RBKS: variants seen among roughly 807,000 people sequenced by gnomAD.
The protein encoded by RBKS is ribokinase.
In RBKS, 33 loss-of-function variants were observed where a neutral mutation model predicts 33.9. The observed-to-expected ratio is 0.97, with a 90% CI of 0.74 to 1.30. RBKS has a LOEUF of 1.30. Among genes scored for constraint, RBKS ranks in the 50% most tolerant of loss-of-function variants. The pLI, the probability that RBKS is intolerant of heterozygous loss-of-function variation, is 0.00. For missense variants in RBKS, 361 were observed against 392.6 expected, an observed-to-expected ratio of 0.92 and a Z score of 0.68; for synonymous variants, 125 against 143.0, an observed-to-expected ratio of 0.87 and a Z score of 0.90.
chr2:27,836,129 C>T (rs992512089), intron 5 of RBKS, among the ~76,000 whole-genome samples: 1 of 152,078 alleles, frequency 6.6e-6, no homozygotes, highest in African/African-American at 2.4e-5. Context: ...GCAGGACAAT[C>T]GCTTGAACCT....
chr2:27,805,116 T>C (rs1024220318), intron 7 of RBKS, among the ~76,000 whole-genome samples: 5 of 152,144 alleles, frequency 3.3e-5, no homozygotes, highest in African/African-American at 1.2e-4. Flanking sequence ...GGGTGTCTAA[T>C]CTTTTGGCTT....
intron 5 of RBKS, among the ~76,000 whole-genome samples, chr2:27,836,555 C>T (rs1476268235): frequency 2.0e-5 from 3 of 152,118 alleles, no homozygotes; most frequent in African/African-American, 7.2e-5. Context: ...TAGAAGAAAG[C>T]TTAGAAAATA....
At chr2:27,880,933 G>T (rs1362439604) in intron 1 of RBKS, among the ~76,000 whole-genome samples, 2 of 152,056 alleles carry the variant, frequency 1.3e-5, no homozygotes, top group Non-Finnish European at 2.9e-5. Context: ...TTCAAATGGG[G>T]CTGCACACGA....
intron 7 of RBKS, among the ~76,000 whole-genome samples, chr2:27,797,405 G>C (rs1677685507): frequency 6.6e-6 from 1 of 152,216 alleles, no homozygotes. Context: ...TTACGCTGAG[G>C]AAACTGGGAT....
intron 7 of RBKS, among the ~76,000 whole-genome samples, chr2:27,820,688 A>G (rs1485317421): frequency 6.6e-6 from 1 of 152,012 alleles, no homozygotes; most frequent in African/African-American, 2.4e-5. Flanking sequence ...CTTGGATTAC[A>G]GGTGTGAGCC....
At position 27,876,334 on chromosome 2, in the gene RBKS, T is replaced by C. The variant is rs558226359; in HGVS notation, c.89+13923A>G. Among the ~76,000 whole-genome samples the C allele has an allele frequency of 1.3e-4, 20 of 152,314 alleles. No individual in the cohort carries two copies. In the South Asian group the frequency reaches 3.3e-3, roughly 25 times the overall value. ...GAAAATTCTGAAACATGCTACAACA[T>C]GGATAAACTTTGAAAATATTATGCT... On this transcript the variant is annotated intron_variant, in intron 1 of 7. Coordinates refer to ENST00000302188, the MANE Select transcript of RBKS (RefSeq NM_022128.3).
intron 1 of RBKS, among the ~76,000 whole-genome samples, chr2:27,863,143 G>A (rs905948692): frequency 3.3e-5 from 5 of 152,122 alleles, no homozygotes; most frequent in African/African-American, 4.8e-5. Context: ...CTGAATGAGG[G>A]AGAAAACCTG....
intron 1 of RBKS, among the ~76,000 whole-genome samples, chr2:27,888,669 T>C (rs1573086669): frequency 6.6e-6 from 1 of 152,248 alleles, no homozygotes; most frequent in South Asian, 2.1e-4. Context: ...AATCAATTGC[T>C]ATATTGTGTT....
chr2:27,801,464 T>TACACAC (rs56063622), intron 7 of RBKS, among the ~76,000 whole-genome samples: 41,824 of 135,488 alleles, frequency 0.31, 7,108 homozygotes, highest in Non-Finnish European at 0.4. Flanking sequence ...GGCCACAGTA[T>TACACAC]ACACACACAC....
chr2:27,830,145 G>A (rs1261653150), intron 6 of RBKS, among the ~76,000 whole-genome samples: 1 of 152,166 alleles, frequency 6.6e-6, no homozygotes, highest in Admixed American at 6.5e-5. Flanking sequence ...GAGCTTGTAA[G>A]TATCTTTTCA....
At chr2:27,814,095 C>A (rs1198681677) in intron 7 of RBKS, among the ~76,000 whole-genome samples, 1 of 151,926 alleles carries the variant, frequency 6.6e-6, no homozygotes, top group African/African-American at 2.4e-5. Context: ...ATGGTGTATG[C>A]CTGTGGTCCC....
At chr2:27,874,071 G>A (rs889593810) in intron 1 of RBKS, among the ~76,000 whole-genome samples, 19 of 152,112 alleles carry the variant, frequency 1.2e-4, no homozygotes, top group African/African-American at 2.2e-4. Flanking sequence ...GGCCTCAAAC[G>A]TGTCTTCAAT....
chr2:27,811,495 A>G (rs1039156195), intron 7 of RBKS, among the ~76,000 whole-genome samples: 2 of 152,142 alleles, frequency 1.3e-5, no homozygotes, highest in Non-Finnish European at 2.9e-5. Flanking sequence ...CTGCTTTTGT[A>G]TCATTAGTCT....
chr2:27,861,667 G>A, intron 1 of RBKS: 1 of 431,900 alleles, frequency 2.3e-6, no homozygotes. Flanking sequence ...TCTTTTTGGG[G>A]GGGGGGTGGA....
intron 7 of RBKS, among the ~76,000 whole-genome samples, chr2:27,800,403 G>A (rs995009923): frequency 6.6e-6 from 1 of 152,106 alleles, no homozygotes; most frequent in African/African-American, 2.4e-5. Context: ...CTAGCTGTGT[G>A]ACCTCTGGCA....
chr2:27,886,585 C>T (rs542498307), intron 1 of RBKS, among the ~76,000 whole-genome samples: 7 of 152,118 alleles, frequency 4.6e-5, no homozygotes, highest in African/African-American at 7.2e-5. Flanking sequence ...TGGAAAGGTA[C>T]GAATTGGGGC....
At chr2:27,787,777 A>G (rs1198661879) in intron 7 of RBKS, among the ~76,000 whole-genome samples, 3 of 152,122 alleles carry the variant, frequency 2.0e-5, no homozygotes, top group Non-Finnish European at 4.4e-5. Context: ...AAACCAGACA[A>G]TGACATTGCA....
Position 27,845,797 on chromosome 2 carries a change from C to T in RBKS, c.349+1245G>A, listed in dbSNP as rs116370967. Among the ~76,000 whole-genome samples the T allele has an allele frequency of 7.8e-3, 1,186 of 152,334 alleles. 11 individuals are homozygous for T. The highest frequency in any genetic ancestry group is 0.027 in the African/African-American group (1,117 of 41,574). ...TAAAAGACACATTGTGACAAATCCT[C>T]ATTTAACACAAGCACGCTGTCCACA... is the stretch of plus-strand genomic sequence containing the variant. On this transcript the variant is annotated intron_variant, in intron 4 of 7. Transcript: ENST00000302188.
At chr2:27,792,135 C>T (rs757747708) in intron 7 of RBKS, among the ~76,000 whole-genome samples, 1 of 152,142 alleles carries the variant, frequency 6.6e-6, no homozygotes, top group Non-Finnish European at 1.5e-5. Flanking sequence ...TACTGTGGGC[C>T]ATGCTTAAGT....
Sources: allele counts gnomAD v4.1 joint callset (sites outside exome capture counted in the v4.1 genomes callset), GRCh38; gene constraint gnomAD v4.1.1; transcripts MANE v1.5; gene names NCBI Gene and HGNC (gene_info 2026-07-23, HGNC 2026-07-21).